Variants in SLC24A1 observed in about 807,000 individuals in gnomAD.
SLC24A1 encodes solute carrier family 24 member 1.
SLC24A1 carries 52 observed loss-of-function variants against 88.1 expected under a neutral mutation model. The observed-to-expected ratio is 0.59, with a 90% CI of 0.47 to 0.74. The LOEUF (loss-of-function observed/expected upper bound fraction) is 0.74. Ranked by LOEUF, SLC24A1 falls within the 30% of genes least tolerant of loss-of-function variation. SLC24A1 has a pLI of 0.00. For missense variants in SLC24A1, 1,173 were observed against 1,363.3 expected (o/e 0.86, Z 2.20); for synonymous variants, 455 against 498.0 (o/e 0.91, Z 1.15).
intron 1 of SLC24A1, chr15:65,612,180 A>G (rs1041539005): frequency 6.6e-6 from 1 of 152,246 alleles, no homozygotes; most frequent in South Asian, 2.1e-4. Flanking sequence ...CTTTCTTTCT[A>G]ACCATGTAGG....
At position 65,639,654 on chromosome 15, in the gene SLC24A1, C is replaced by A; in HGVS notation, c.2004C>A (p.Arg668=). The change falls in exon 4 of 10, where the codon CGC becomes CGA. Residue 668 remains arginine, a synonymous_variant. Transcript: ENST00000261892. ...CCTCTCTGCACAACAGCACCATCCGCAGCACCATCTACCAGCTCATGCTCC... is the reference window on the plus strand; with the variant it reads ...CCTCTCTGCACAACAGCACCATCCGAAGCACCATCTACCAGCTCATGCTCC... ...SSTSLHNSTI[R]STIYQLMLHS... 1 of 1,613,286 alleles carries A rather than the reference C, an allele frequency of 6.2e-7. No individual in the cohort carries two copies.
downstream of SLC24A1, among the ~76,000 whole-genome samples, chr15:65,657,718 T>C (rs1427754309): frequency 6.6e-6 from 1 of 152,216 alleles, no homozygotes; most frequent in Non-Finnish European, 1.5e-5. Context: ...GTTCTGACCC[T>C]TTTTTGGTGG....
intron 2 of SLC24A1, among the ~76,000 whole-genome samples, chr15:65,637,455 C>T (rs1403770435): frequency 1.3e-5 from 2 of 152,012 alleles, no homozygotes; most frequent in East Asian, 3.9e-4. Flanking sequence ...TTTGAGTAGG[C>T]AGAAAGGAAT....
At chr15:65,626,900 C>T (rs760364817) in intron 2 of SLC24A1, among the ~76,000 whole-genome samples, 17 of 152,122 alleles carry the variant, frequency 1.1e-4, no homozygotes, top group African/African-American at 2.9e-4. Flanking sequence ...TTAGGGAACA[C>T]GGACCCCACT....
chr15:65,624,381 G>A lies in SLC24A1; in HGVS notation c.301G>A (p.Glu101Lys). Residue 101 changes from glutamate (E) to lysine (K), a missense_variant, in exon 2 of 10, where the codon GAA becomes AAA. Physicochemically the swap from Glu to Lys is moderately conservative, Grantham distance 56. Coordinates refer to ENST00000261892, the MANE Select transcript of SLC24A1 (RefSeq NM_004727.3). The part of the protein sequence containing the change: ...LVPQASVGSD[E>K]ATLSMTVENI... ...ACCCCAAGCCTCAGTGGGCAGTGAT[G>A]AAGCAACACTGAGCATGACAGTGGA... 6.2e-7 allele frequency: 1 copy of A among 1,613,672 alleles called. No individual in the cohort carries two copies.
intron 2 of SLC24A1, among the ~76,000 whole-genome samples, chr15:65,637,281 C>T (rs1338480642): frequency 6.8e-6 from 1 of 146,552 alleles, no homozygotes; most frequent in East Asian, 2.1e-4. Context: ...CTTACCTGAG[C>T]ACACAGCTGA....
At chr15:65,638,730 C>T (rs564663633) in intron 3 of SLC24A1, among the ~76,000 whole-genome samples, 1 of 152,068 alleles carries the variant, frequency 6.6e-6, no homozygotes, top group Non-Finnish European at 1.5e-5. Flanking sequence ...CCTCCCCCAT[C>T]CAAAGAAAAT....
Position 65,624,964 on chromosome 15 carries a change from C to T in SLC24A1, c.884C>T (p.Pro295Leu). 1 of 1,609,136 alleles carries T rather than the reference C, an allele frequency of 6.2e-7. No individual in the cohort carries two copies. Among genetic ancestry groups the T allele is most frequent in the Non-Finnish European group, 8.5e-7 (1 of 1,177,538 alleles). ...RRVESNSSAH[P>L]WGLVGKSNPK... The stretch of plus-strand genomic sequence containing the variant: ...GTGGAAAGTAACAGCTCAGCCCATC[C>T]CTGGGGGTTAGTGGGAAAGAGCAAC... Residue 295 changes from proline to leucine, a missense_variant, in exon 2 of 10, where the codon CCC becomes CTC. Physicochemically the swap from Pro to Leu is moderately conservative, Grantham distance 98. Coordinates refer to ENST00000261892, the MANE Select transcript of SLC24A1 (RefSeq NM_004727.3).
intron 4 of SLC24A1, 90 bp downstream of exon 4, chr15:65,639,793 G>A: frequency 1.2e-6 from 1 of 819,812 alleles, no homozygotes; most frequent in Non-Finnish European, 2.1e-6. Flanking sequence ...GAAAATCCTA[G>A]AGGCAGTGAG....
At chr15:65,653,681 C>T in intron 9 of SLC24A1, 149 bp from the exon 10 acceptor site, 1 of 775,526 alleles carries the variant, frequency 1.3e-6, no homozygotes, top group South Asian at 1.9e-5. Context: ...ACTTAATTTC[C>T]TTGTCTGTGA....
At chr15:65,643,028 A>C in intron 4 of SLC24A1, 1 of 1,288,796 alleles carries the variant, frequency 7.8e-7, no homozygotes, top group South Asian at 1.2e-5. Flanking sequence ...GCTCTCAACT[A>C]CTCTTGTCAA....
At chr15:65,660,504 A>C (rs1240549815), downstream of SLC24A1, 3 of 459,006 alleles carry the variant, frequency 6.5e-6, no homozygotes, top group African/African-American at 2.0e-5. Context: ...ATGTGTGCAA[A>C]CACACACACA....
Position 65,650,896 on chromosome 15 carries a change from C to G in SLC24A1, c.2747C>G (p.Pro916Arg). The stretch of plus-strand genomic sequence containing the variant: ...CAGGCCATTTACCTCTTCCTTCTGC[C>G]CATCGTGTTCCCACTGTGGCTGACA... ...QKQAIYLFLL[P>R]IVFPLWLTVP... The change falls in exon 7 of 10, where the codon CCC (proline) becomes CGC (arginine). Residue 916 changes from proline (P) to arginine (R), a missense_variant. By Grantham distance (103) the Pro-to-Arg change is moderately radical. Transcript: ENST00000261892. The surrounding 1 kb of genome is among the most constrained non-coding windows in gnomAD (Gnocchi z 4.1). The G allele has an allele frequency of 1.2e-6, 2 of 1,613,942 alleles. No homozygotes were observed. The highest frequency in any genetic ancestry group is 1.7e-6 in the Non-Finnish European group (2 of 1,179,894).
chr15:65,639,528 G>T, intron 3 of SLC24A1, 67 bp from the exon 4 acceptor site: 1 of 956,548 alleles, frequency 1.0e-6, no homozygotes. Flanking sequence ...CAAGGTTAGT[G>T]ATGCCCTCGT....
chr15:65,624,834 ATGTT>A lies in SLC24A1; in HGVS notation c.757_760del (p.Phe253IlefsTer7). ...AACCACCCCAACCACTCTCAAGGGA[ATGTT>A]TGATAGCACCCCAACTTTTCTGACA... is the stretch of plus-strand genomic sequence containing the variant. On this transcript the variant is annotated frameshift_variant, in exon 2 of 10. Transcript: ENST00000261892. LOFTEE classifies it high-confidence loss of function. The A allele has an allele frequency of 6.2e-7, 1 of 1,613,470 alleles. No individual in the cohort carries two copies.
upstream of SLC24A1, among the ~76,000 whole-genome samples, chr15:65,617,821 G>A (rs1459380171): frequency 6.6e-6 from 1 of 152,164 alleles, no homozygotes; most frequent in East Asian, 1.9e-4. Flanking sequence ...TTTTCAAAGG[G>A]AATGCTTCCA....
At chr15:65,657,631 G>C (rs1029453392), downstream of SLC24A1, among the ~76,000 whole-genome samples, 1 of 152,194 alleles carries the variant, frequency 6.6e-6, no homozygotes, top group Non-Finnish European at 1.5e-5. Context: ...GCAACAGCGA[G>C]ACTCCGTCTC....
At chr15:65,635,837 A>T (rs1248721055) in intron 2 of SLC24A1, among the ~76,000 whole-genome samples, 1 of 152,232 alleles carries the variant, frequency 6.6e-6, no homozygotes, top group Non-Finnish European at 1.5e-5. Context: ...TTTGTCATGC[A>T]TCTGTATTAT....
Position 65,654,597 on chromosome 15 carries a change from T to C in SLC24A1, c.*518T>C, listed in dbSNP as rs561827181. Reference sequence around the variant, plus strand: ...GGTTTGTAATCACTGTAGCTTCAGTTATTGGTGAGTCTAAGGATCCAAGGC... The same window carrying C: ...GGTTTGTAATCACTGTAGCTTCAGTCATTGGTGAGTCTAAGGATCCAAGGC... On this transcript the variant is annotated 3_prime_UTR_variant, in exon 10 of 10. Transcript: ENST00000261892. The C allele has an allele frequency of 2.5e-6, 3 of 1,217,718 alleles. No individual in the cohort carries two copies. The African/African-American group carries it at 4.8e-5, about 20-fold the overall frequency. The allele number at this position is 1,217,718 out of a possible 1,614,324, so 75.4% of individuals were successfully genotyped here.
Sources: allele counts gnomAD v4.1 joint callset (sites outside exome capture counted in the v4.1 genomes callset), GRCh38; gene constraint gnomAD v4.1.1; non-coding constraint Gnocchi (gnomAD v3.1); transcripts MANE v1.5; gene names NCBI Gene and HGNC (gene_info 2026-07-23, HGNC 2026-07-21).